ZBTB12: variants seen among roughly 807,000 people sequenced by gnomAD.
ZBTB12 encodes the protein zinc finger and BTB domain containing 12, also known as zinc finger and BTB domain-containing protein 12.
Under a neutral mutation model 6.4 loss-of-function variants are expected in ZBTB12, and 1 was observed. The observed-to-expected ratio is 0.16, with a 90% CI of 0.06 to 0.74. The LOEUF is 0.74. Ranked by LOEUF, ZBTB12 falls within the 30% of genes least tolerant of loss-of-function variation. The pLI is 0.78. For synonymous variants in ZBTB12, 273 were observed against 262.5 expected, an observed-to-expected ratio of 1.04 and a Z score of -0.39; for missense variants, 344 against 613.9, an observed-to-expected ratio of 0.56 and a Z score of 4.65.
intron 1 of ZBTB12, 52 bp from the exon 2 acceptor site, chr6:31,901,377 C>G (rs45575537): frequency 0.032 from 47,098 of 1,490,448 alleles, 946 homozygotes; most frequent in Non-Finnish European, 0.039. Context: ...TCTCCGAAGC[C>G]AAGGCTCCAG....
At chr6:31,901,433 C>T in intron 1 of ZBTB12, 108 bp from the exon 2 acceptor site, 2 of 1,061,012 alleles carry the variant, frequency 1.9e-6, no homozygotes, top group East Asian at 2.6e-5. Flanking sequence ...TCCGATCTCC[C>T]GGTCTTCAGA....
At chr6:31,901,539 C>T (rs1368868442) in intron 1 of ZBTB12, among the ~76,000 whole-genome samples, 1 of 152,026 alleles carries the variant, frequency 6.6e-6, no homozygotes, top group Non-Finnish European at 1.5e-5. Context: ...TCCACACCCC[C>T]CAGCCCAGCA....
chr6:31,901,371 C>T (rs866445999), intron 1 of ZBTB12, 46 bp from the exon 2 acceptor site: 4 of 1,504,000 alleles, frequency 2.7e-6, no homozygotes, highest in Non-Finnish European at 2.7e-6. Context: ...TCTGGCTCTC[C>T]GAAGCCAAGG....
At position 31,899,930 on chromosome 6, in the gene ZBTB12, C is replaced by T. The variant is rs1297808632; in HGVS notation, c.1376G>A (p.Arg459His). Residue 459 changes from arginine to histidine, a missense_variant, in exon 2 of 2, where the codon CGC becomes CAC. By Grantham distance (29) the Arg-to-His change is conservative. This residue lies in a region of ZBTB12 where 15 missense variants were observed against 20.2 expected (regional missense o/e 0.74). Coordinates refer to ENST00000375527, the MANE Select transcript of ZBTB12 (RefSeq NM_181842.3). ...CTGGCCTCCACGCCTGCGCGGCTAG[C>T]GGATGAGGACGTTAATCTCGGCCAC... is the stretch of plus-strand genomic sequence containing the variant. ...ASVAEINVLI[R>H] 3 of 1,577,360 alleles carry T rather than the reference C, an allele frequency of 1.9e-6. No homozygotes were observed. The highest frequency in any genetic ancestry group is 2.6e-6 in the Non-Finnish European group (3 of 1,159,664).
In ZBTB12 at chr6:31,900,515, T is replaced by C; in HGVS notation, c.791A>G (p.Lys264Arg). 6.2e-7 allele frequency: 1 copy of C among 1,611,438 alleles called. No individual in the cohort carries two copies. Among genetic ancestry groups the C allele is most frequent in the Non-Finnish European group, 8.5e-7 (1 of 1,179,966 alleles). ...STVAPPQGVV[K>R]ACYSLSEDAE... The stretch of plus-strand genomic sequence containing the variant: ...ATCTTCCGACAGGCTATAGCAGGCC[T>C]TCACCACACCCTGCGGTGGGGCTAC... The change falls in exon 2 of 2, where the codon AAG (lysine) becomes AGG (arginine). Residue 264 changes from lysine (K) to arginine (R), a missense_variant. Coordinates refer to ENST00000375527, the MANE Select transcript of ZBTB12 (RefSeq NM_181842.3). This position sits in a 1 kb window ranked among gnomAD's most constrained non-coding sequence, Gnocchi z 9.7.
In ZBTB12 at chr6:31,900,556, G is replaced by A. The variant is rs1187840766; in HGVS notation, c.750C>T (p.Ser250=). 2 of 1,611,806 alleles carry A rather than the reference G, an allele frequency of 1.2e-6. No homozygotes were observed. Among genetic ancestry groups the A allele is most frequent in the African/African-American group, 1.3e-5 (1 of 74,928 alleles). Residue 250 remains serine (S), a synonymous_variant, in exon 2 of 2, where the codon AGC becomes AGT. Transcript: ENST00000375527. This position sits in a 1 kb window ranked among gnomAD's most constrained non-coding sequence, Gnocchi z 9.7. ...GGHLGELAQS[S]VPPSTVAPPQ... is the part of the protein sequence containing the mutation. The stretch of plus-strand genomic sequence containing the variant: ...GTGGGGCTACAGTGCTGGGGGGAAC[G>A]CTGCTCTGGGCCAGCTCCCCAAGGT...
rs771714863 is a variant in ZBTB12, at chr6:31,901,267, G to C, written c.39C>G (p.Pro13=). ...TCCGTAGCGTTGCGGCCTCGTGGCC[G>C]GGCAGCTGGAAGCGCAGGACTTCCA... ...SGVEVLRFQL[P]GHEAATLRNM... Residue 13 remains proline (P), a synonymous_variant, in exon 2 of 2, where the codon CCC becomes CCG. Coordinates refer to ENST00000375527, the MANE Select transcript of ZBTB12 (RefSeq NM_181842.3). The C allele has an allele frequency of 6.2e-7, 1 of 1,612,504 alleles. No homozygotes were observed. Among genetic ancestry groups the C allele is most frequent in the Non-Finnish European group, 8.5e-7 (1 of 1,179,336 alleles).
Sources: gnomAD v4.1 joint callset for allele counts (sites outside exome capture counted in the v4.1 genomes callset) on GRCh38, gnomAD v4.1.1 for gene constraint, gnomAD v4.1.1 regional missense constraint, Gnocchi (gnomAD v3.1) non-coding constraint, MANE v1.5 for transcripts, NCBI Gene and HGNC (gene_info 2026-07-23, HGNC 2026-07-21) for gene names.